The following CDH2 variants were observed in gnomAD, a reference collection of about 807,000 sequenced individuals.
CDH2 encodes cadherin-2.
In CDH2, 17 loss-of-function variants were observed where a neutral mutation model predicts 92.0. The observed-to-expected ratio is 0.18, with a 90% confidence interval of 0.13 to 0.28. CDH2 has a LOEUF of 0.28. Among genes scored for constraint, CDH2 ranks in the 10% least tolerant of loss-of-function variants. The pLI, the probability that CDH2 is intolerant of heterozygous loss-of-function variation, is 1.00. For missense variants in CDH2, 862 were observed against 1,133.1 expected, an observed-to-expected ratio of 0.76 and a Z score of 3.44; for synonymous variants, 419 against 415.9, an observed-to-expected ratio of 1.01 and a Z score of -0.09.
In CDH2 at chr18:27,985,066, T is replaced by A; in HGVS notation, c.2143A>T (p.Ile715Phe). ...SNGDCTDVDR[I>F]VGAGLGTGAI... ...CCGGTGCCAAGCCCCGCACCCACAA[T>A]CCTGTCCACATCTGTGCAGTCCCCG... The change falls in exon 13 of 16, where the codon ATT becomes TTT. Residue 715 changes from isoleucine (I) to phenylalanine (F), a missense_variant. By Grantham distance (21) the Ile-to-Phe change is conservative. This residue lies in a region of CDH2 where 564 missense variants were observed against 722.2 expected (regional missense o/e 0.78). Coordinates refer to ENST00000269141, the MANE Select transcript of CDH2 (RefSeq NM_001792.5). 6.2e-7 allele frequency: 1 copy of A among 1,614,128 alleles called. No homozygotes were observed. Among genetic ancestry groups the A allele is most frequent in the Non-Finnish European group, 8.5e-7 (1 of 1,180,006 alleles).
chr18:28,005,963 T>C lies in CDH2; in HGVS notation c.733A>G (p.Asn245Asp). The change falls in exon 6 of 16, where the codon AAT becomes GAT. Residue 245 changes from asparagine (N) to aspartate (D), a missense_variant. Asn to Asp is a conservative substitution (Grantham distance 23). Around this residue, in one of 5 missense-constraint regions of CDH2, gnomAD observed 564 missense variants for 722.2 expected, o/e 0.78. Transcript: ENST00000269141. ...LRAHAVDING[N>D]QVENPIDIVI... ...ATGTCAATGGGGTTCTCCACTTGAT[T>C]TCCATTAATATCTACTGCATGTGCC... is the stretch of plus-strand genomic sequence containing the variant. The C allele has an allele frequency of 6.2e-7, 1 of 1,612,520 alleles. No individual in the cohort carries two copies. Among genetic ancestry groups the C allele is most frequent in the South Asian group, 1.1e-5 (1 of 90,996 alleles).
At chr18:28,023,231 T>G (rs577238132) in intron 2 of CDH2, among the ~76,000 whole-genome samples, 1 of 152,202 alleles carries the variant, frequency 6.6e-6, no homozygotes, top group Admixed American at 6.5e-5. Context: ...TCATCTCAGA[T>G]GAAACTCTTG....
intron 2 of CDH2, among the ~76,000 whole-genome samples, chr18:28,136,831 C>T (rs2015870832): frequency 6.6e-6 from 1 of 152,120 alleles, no homozygotes; most frequent in African/African-American, 2.4e-5. Context: ...CTACCAGAAT[C>T]ACTCGGAATT....
intron 2 of CDH2, among the ~76,000 whole-genome samples, chr18:28,015,339 G>C (rs1427181209): frequency 6.6e-6 from 1 of 152,064 alleles, no homozygotes; most frequent in Non-Finnish European, 1.5e-5. Flanking sequence ...GAAAATAAAA[G>C]TATATCTCAA....
chr18:27,936,234 C>T (rs1321888576), intron 6 of CDH2, among the ~76,000 whole-genome samples: 2 of 152,112 alleles, frequency 1.3e-5, no homozygotes, highest in Non-Finnish European at 2.9e-5. Flanking sequence ...TATACCTTTT[C>T]CTTTTTGCCT....
At chr18:28,155,152 G>T (rs2016188259) in intron 1 of CDH2, among the ~76,000 whole-genome samples, 1 of 152,082 alleles carries the variant, frequency 6.6e-6, no homozygotes, top group Non-Finnish European at 1.5e-5. Context: ...GGTAGGACTG[G>T]GTTAAGACTG....
intron 2 of CDH2, among the ~76,000 whole-genome samples, chr18:28,033,403 G>C (rs1168985158): frequency 6.6e-6 from 1 of 152,068 alleles, no homozygotes. Flanking sequence ...AGTCTGAAGG[G>C]AGAAATGTCA....
At chr18:28,156,444 C>A (rs1031042067) in intron 1 of CDH2, among the ~76,000 whole-genome samples, 31 of 137,142 alleles carry the variant, frequency 2.3e-4, no homozygotes, top group African/African-American at 7.5e-4. Context: ...CCAGGTATAG[C>A]ATGTCACCTT....
At chr18:28,045,333 T>C in intron 2 of CDH2, 1 of 442,938 alleles carries the variant, frequency 2.3e-6, no homozygotes, top group Non-Finnish European at 4.6e-6. Flanking sequence ...AGCTGATGAA[T>C]AAGTCTTTGT....
At chr18:28,082,674 T>C (rs981661270) in intron 2 of CDH2, among the ~76,000 whole-genome samples, 2 of 152,196 alleles carry the variant, frequency 1.3e-5, no homozygotes, top group African/African-American at 2.4e-5. Flanking sequence ...TACATGTTGT[T>C]TTATGACCAC....
chr18:27,949,941 AGT>A (rs1412447421), downstream of CDH2, among the ~76,000 whole-genome samples: 2 of 152,052 alleles, frequency 1.3e-5, no homozygotes, highest in East Asian at 3.8e-4. Flanking sequence ...TCATTTAAAC[AGT>A]GTTTATCTAA....
At chr18:28,107,921 TCA>T (rs1599106482) in intron 2 of CDH2, among the ~76,000 whole-genome samples, 1 of 152,284 alleles carries the variant, frequency 6.6e-6, no homozygotes, top group African/African-American at 2.4e-5. Context: ...TAAAAAACAT[TCA>T]CAGTTTCCTC....
chr18:28,034,397 G>A (rs777772471), intron 2 of CDH2, among the ~76,000 whole-genome samples: 11 of 151,956 alleles, frequency 7.2e-5, no homozygotes, highest in Non-Finnish European at 1.5e-4. Flanking sequence ...AAAAGCAAAG[G>A]CGAAAACCTA....
At chr18:28,135,984 T>G (rs1318704482) in intron 2 of CDH2, among the ~76,000 whole-genome samples, 1 of 152,192 alleles carries the variant, frequency 6.6e-6, no homozygotes, top group Non-Finnish European at 1.5e-5. Context: ...ACACAAAACA[T>G]AAAACAAGTA....
intron 2 of CDH2, among the ~76,000 whole-genome samples, chr18:28,035,234 T>G (rs2013797540): frequency 6.6e-6 from 1 of 152,014 alleles, no homozygotes. Context: ...ATAATGGCCA[T>G]ACACAGACAT....
At chr18:27,953,881 A>C (rs1187302679) in intron 15 of CDH2, among the ~76,000 whole-genome samples, 1 of 152,188 alleles carries the variant, frequency 6.6e-6, no homozygotes, top group Admixed American at 6.5e-5. Context: ...TAAAAAATTT[A>C]AGTTTTGAGA....
chr18:28,041,826 C>T (rs2013953393), intron 2 of CDH2, among the ~76,000 whole-genome samples: 2 of 152,068 alleles, frequency 1.3e-5, no homozygotes, highest in Admixed American at 1.3e-4. Flanking sequence ...TTACAGTCTA[C>T]AATAACATAA....
chr18:27,997,662 T>A (rs1242763395), intron 7 of CDH2, among the ~76,000 whole-genome samples: 1 of 152,156 alleles, frequency 6.6e-6, no homozygotes, highest in Non-Finnish European at 1.5e-5. Flanking sequence ...GAGAAGGTCC[T>A]GGTCACGTGA....
At chr18:27,937,731 C>T (rs889756711) in intron 6 of CDH2, among the ~76,000 whole-genome samples, 2 of 152,106 alleles carry the variant, frequency 1.3e-5, no homozygotes, top group African/African-American at 2.4e-5. Flanking sequence ...AAGCTTTCTT[C>T]GACATAAATT....
Sources: gnomAD v4.1 joint callset for allele counts (sites outside exome capture counted in the v4.1 genomes callset) on GRCh38, gnomAD v4.1.1 for gene constraint, gnomAD v4.1.1 regional missense constraint, MANE v1.5 for transcripts, NCBI Gene and HGNC (gene_info 2026-07-23, HGNC 2026-07-21) for gene names.